The following ME1 variants were observed in gnomAD, a reference collection of about 807,000 sequenced individuals.
ME1 encodes malic enzyme 1, also known as NADP-dependent malic enzyme.
A neutral mutation model predicts 66.4 loss-of-function variants in ME1; 74 were observed. The ratio of observed to expected loss-of-function variants is 1.11; its 90% CI spans 0.92 to 1.35. ME1 has a LOEUF of 1.35. Ranked by LOEUF, ME1 falls within the 40% of genes most tolerant of loss-of-function variation. The probability of loss-of-function intolerance (pLI) is 0.00; values close to 1 mark genes in which losing one functional copy is unlikely to be tolerated. For missense variants in ME1, 750 were observed against 694.1 expected (o/e 1.08, Z -0.90); for synonymous variants, 251 against 235.6 (o/e 1.07, Z -0.60).
intron 4 of ME1, among the ~76,000 whole-genome samples, chr6:83,350,397 C>T (rs571241958): frequency 6.6e-6 from 1 of 152,106 alleles, no homozygotes; most frequent in Non-Finnish European, 1.5e-5. Context: ...GCTGTTAGGA[C>T]GATTACAGGG....
intron 3 of ME1, among the ~76,000 whole-genome samples, chr6:83,368,603 T>C (rs1258753544): frequency 2.0e-5 from 3 of 152,210 alleles, no homozygotes; most frequent in Non-Finnish European, 4.4e-5. Flanking sequence ...AATGTTATCA[T>C]ATAATAAATT....
At chr6:83,235,621 C>G (rs1790385021) in intron 9 of ME1, among the ~76,000 whole-genome samples, 1 of 152,066 alleles carries the variant, frequency 6.6e-6, no homozygotes, top group African/African-American at 2.4e-5. Context: ...CAGGCGCCCA[C>G]CACCATGCCC....
At chr6:83,359,680 G>A (rs1332608270) in intron 3 of ME1, among the ~76,000 whole-genome samples, 1 of 152,188 alleles carries the variant, frequency 6.6e-6, no homozygotes, top group Non-Finnish European at 1.5e-5. Context: ...TGGGGTGGTG[G>A]AATGGATTAG....
At chr6:83,342,439 T>C (rs1047395732) in intron 5 of ME1, among the ~76,000 whole-genome samples, 5 of 152,236 alleles carry the variant, frequency 3.3e-5, no homozygotes, top group African/African-American at 1.2e-4. Flanking sequence ...ATACTGCAAC[T>C]AGTTACATGT....
At chr6:83,382,972 G>C (rs1253952900) in intron 3 of ME1, among the ~76,000 whole-genome samples, 1 of 151,696 alleles carries the variant, frequency 6.6e-6, no homozygotes, top group Non-Finnish European at 1.5e-5. Context: ...AATGTGTATG[G>C]GCCTCATCCA....
chr6:83,244,661 G>C (rs1217128982), intron 7 of ME1, among the ~76,000 whole-genome samples: 1 of 151,972 alleles, frequency 6.6e-6, no homozygotes, highest in Non-Finnish European at 1.5e-5. Context: ...TCTGATAGCA[G>C]TATCAAGAAA....
At position 83,430,979 on chromosome 6, in the gene ME1, G is replaced by T; in HGVS notation, c.-25C>A. 2 of 1,485,116 alleles carry T rather than the reference G, an allele frequency of 1.3e-6. No homozygotes were observed. Among genetic ancestry groups the T allele is most frequent in the South Asian group, 2.6e-5 (2 of 77,054 alleles). 92.0% of individuals were successfully genotyped at this position (1,485,116 alleles called of 1,614,324 possible). ...TGGCTGGCGCCGGGTTCGGCGGCGG[G>T]GTCAGGCCGGGGCGGGCCGCACGCG... On this transcript the variant is annotated 5_prime_UTR_variant, in exon 1 of 14. Transcript: ENST00000369705.
intron 7 of ME1, among the ~76,000 whole-genome samples, chr6:83,243,607 C>T (rs1185894): frequency 6.9e-4 from 55 of 79,550 alleles, no homozygotes; most frequent in East Asian, 2.4e-3. Context: ...ATTATAATTA[C>T]ATTATATCGA....
intron 1 of ME1, among the ~76,000 whole-genome samples, chr6:83,425,847 C>T (rs2127698278): frequency 6.6e-6 from 1 of 152,212 alleles, no homozygotes; most frequent in Non-Finnish European, 1.5e-5. Flanking sequence ...TTTTAGAGAA[C>T]ATTATTCATT....
chr6:83,418,623 A>T (rs1770205610), intron 1 of ME1, among the ~76,000 whole-genome samples: 1 of 152,214 alleles, frequency 6.6e-6, no homozygotes, highest in African/African-American at 2.4e-5. Flanking sequence ...TGGCTTAAGC[A>T]AGTTGACAGA....
At chr6:83,296,702 A>G (rs1252144342) in intron 6 of ME1, among the ~76,000 whole-genome samples, 1 of 152,158 alleles carries the variant, frequency 6.6e-6, no homozygotes, top group Non-Finnish European at 1.5e-5. Context: ...AAAGGCATCC[A>G]AATAGGAAGA....
In ME1 at chr6:83,309,483, G is replaced by A. The variant is rs563591281; in HGVS notation, c.704+5827C>T. Among the ~76,000 whole-genome samples the A allele has an allele frequency of 2.0e-5, 3 of 152,234 alleles. No homozygotes were observed. In the South Asian group the frequency reaches 6.2e-4, roughly 32 times the overall value. On this transcript the variant is annotated intron_variant, in intron 6 of 13. Transcript: ENST00000369705. The stretch of plus-strand genomic sequence containing the variant: ...TTTAGTCACAGGAAGAGGAAGAATG[G>A]GGTTGTCATTTACTGAGATGGGAAA...
intron 9 of ME1, among the ~76,000 whole-genome samples, chr6:83,232,589 G>A (rs1347095655): frequency 6.6e-6 from 1 of 152,008 alleles, no homozygotes; most frequent in African/African-American, 2.4e-5. Context: ...TAAAAAAGAG[G>A]GAGAAAACAA....
chr6:83,253,730 A>G lies in ME1; in HGVS notation c.713T>C (p.Met238Thr), dbSNP rs1288355639. The change falls in exon 7 of 14, where the codon ATG (methionine) becomes ACG (threonine). Residue 238 changes from methionine to threonine, a missense_variant. Met to Thr is a moderately conservative substitution (Grantham distance 81). Coordinates refer to ENST00000369705, the MANE Select transcript of ME1 (RefSeq NM_002395.6). ...ATCTTCAAACTGAATAAGGCAATTC[A>G]TGCCATACCTATGGGACAAAAACAT... is the stretch of plus-strand genomic sequence containing the variant. ...FMEAVSSKYG[M>T]NCLIQFEDFA... The G allele has an allele frequency of 5.1e-6, 8 of 1,574,772 alleles. No individual in the cohort carries two copies. The highest frequency in any genetic ancestry group is 7.0e-6 in the Non-Finnish European group (8 of 1,145,754).
At chr6:83,320,614 G>T (rs982679207) in intron 5 of ME1, among the ~76,000 whole-genome samples, 10 of 152,178 alleles carry the variant, frequency 6.6e-5, no homozygotes, top group African/African-American at 2.2e-4. Flanking sequence ...ACTAATGGCT[G>T]CCAGAATTAA....
At chr6:83,281,731 G>A (rs921328103) in intron 6 of ME1, among the ~76,000 whole-genome samples, 2 of 142,014 alleles carry the variant, frequency 1.4e-5, no homozygotes, top group African/African-American at 5.3e-5. Flanking sequence ...ACCTGAACCT[G>A]GGAAACAGAA....
At chr6:83,379,710 CAT>C (rs1197775969) in intron 3 of ME1, among the ~76,000 whole-genome samples, 4 of 151,926 alleles carry the variant, frequency 2.6e-5, no homozygotes, top group Non-Finnish European at 4.4e-5. Flanking sequence ...TTACTAAATA[CAT>C]GTTATAACAT....
chr6:83,282,884 G>A (rs1410742064), intron 6 of ME1, among the ~76,000 whole-genome samples: 1 of 152,058 alleles, frequency 6.6e-6, no homozygotes, highest in African/African-American at 2.4e-5. Flanking sequence ...GATAGACTGG[G>A]TAAAGAAAAT....
rs1789999877 is a variant in ME1, at chr6:83,216,596, C to A, written c.1450G>T (p.Val484Phe). 8 of 1,590,876 alleles carry A rather than the reference C, an allele frequency of 5.0e-6. No homozygotes were observed. Among genetic ancestry groups the A allele is most frequent in the Middle Eastern group, 1.7e-4 (1 of 5,988 alleles). ...TDNIFLTTAE[V>F]IAQQVSDKHL... The stretch of plus-strand genomic sequence containing the variant: ...TTATCTGACACTTGCTGAGCTATAA[C>A]CTTATGAAAAAAAGAAAGAAAAAAA... The change falls in exon 13 of 14, where the codon GTT (valine) becomes TTT (phenylalanine). Residue 484 changes from valine to phenylalanine, a missense_variant and splice_region_variant. Coordinates refer to ENST00000369705, the MANE Select transcript of ME1 (RefSeq NM_002395.6).
Sources: allele counts gnomAD v4.1 joint callset (sites outside exome capture counted in the v4.1 genomes callset), GRCh38; gene constraint gnomAD v4.1.1; transcripts MANE v1.5; gene names NCBI Gene and HGNC (gene_info 2026-07-23, HGNC 2026-07-21).